The following BICD1 variants were observed in gnomAD, a reference collection of about 807,000 sequenced individuals.
BICD1 encodes BICD cargo adaptor 1.
A neutral mutation model predicts 92.5 loss-of-function variants in BICD1; 35 were observed. The ratio of observed to expected loss-of-function variants is 0.38; its 90% CI spans 0.29 to 0.50. The LOEUF is 0.50. Ranked by LOEUF, BICD1 falls within the 20% of genes least tolerant of loss-of-function variation. The pLI, the probability that BICD1 is intolerant of heterozygous loss-of-function variation, is 0.93. For synonymous variants in BICD1, 429 were observed against 465.1 expected (o/e 0.92, Z 1.00); for missense variants, 950 against 1,189.8 (o/e 0.80, Z 2.97).
intron 2 of BICD1, among the ~76,000 whole-genome samples, chr12:32,260,280 A>G (rs1337876337): frequency 6.6e-6 from 1 of 152,120 alleles, no homozygotes; most frequent in Admixed American, 6.6e-5. Flanking sequence ...AAATTATGAC[A>G]TTTAACAAAG....
intron 1 of BICD1, among the ~76,000 whole-genome samples, chr12:32,209,608 T>G (rs1362535654): frequency 2.0e-5 from 3 of 152,234 alleles, no homozygotes; most frequent in Non-Finnish European, 4.4e-5. Context: ...ACTCAGATCT[T>G]AAAATACTTT....
intron 8 of BICD1, among the ~76,000 whole-genome samples, chr12:32,362,674 A>C (rs948483437): frequency 2.6e-5 from 4 of 152,138 alleles, no homozygotes; most frequent in Admixed American, 2.0e-4. Context: ...CATCCAGAGG[A>C]GTGAATAGAA....
chr12:32,197,389 G>C (rs577313141), intron 1 of BICD1, among the ~76,000 whole-genome samples: 1 of 152,124 alleles, frequency 6.6e-6, no homozygotes, highest in Non-Finnish European at 1.5e-5. Context: ...GCATTGGCAG[G>C]GTTATGAGTT....
chr12:32,199,918 G>A (rs974040861), intron 1 of BICD1, among the ~76,000 whole-genome samples: 1 of 152,086 alleles, frequency 6.6e-6, no homozygotes, highest in Non-Finnish European at 1.5e-5. Context: ...TTAAGGCCCA[G>A]GAAAAGCCTA....
At position 32,107,286 on chromosome 12, in the gene BICD1, A is replaced by G. The variant is rs1420650090; in HGVS notation, c.-46A>G. 4.7e-6 allele frequency: 7 copies of G among 1,499,170 alleles called. No individual in the cohort carries two copies. The highest frequency in any genetic ancestry group is 6.4e-6 in the Non-Finnish European group (7 of 1,101,154). 92.9% of individuals were successfully genotyped at this position (1,499,170 alleles called of 1,614,324 possible). A position where few individuals can be genotyped will look rare whatever the true frequency, so the allele number is the denominator to read the frequency against. On this transcript the variant is annotated 5_prime_UTR_variant, in exon 1 of 10. Coordinates refer to ENST00000652176, the MANE Select transcript of BICD1 (RefSeq NM_001714.4). ...CCCTTTCCCCGCCAGCTTCGCATCC[A>G]TCTCCCCCACCCCGTAACCCCCTCC...
At chr12:32,342,776 C>G (rs375348497) in intron 8 of BICD1, among the ~76,000 whole-genome samples, 1 of 152,260 alleles carries the variant, frequency 6.6e-6, no homozygotes, top group African/African-American at 2.4e-5. Flanking sequence ...ACAAGAGTTA[C>G]TTTCAAATAG....
intron 2 of BICD1, among the ~76,000 whole-genome samples, chr12:32,272,682 T>C (rs2728800): frequency 0.63 from 95,650 of 152,052 alleles, 30,341 homozygotes; most frequent in African/African-American, 0.7. Context: ...AAAAGTTAGC[T>C]GGGCGTGGTG....
At chr12:32,375,527 C>CA (rs1162624109) in intron 9 of BICD1, among the ~76,000 whole-genome samples, 3 of 152,068 alleles carry the variant, frequency 2.0e-5, no homozygotes, top group Non-Finnish European at 2.9e-5. Flanking sequence ...GATTCCATAT[C>CA]AAAAAAATTT....
At chr12:32,116,345 T>C (rs1293907689) in intron 1 of BICD1, among the ~76,000 whole-genome samples, 1 of 152,064 alleles carries the variant, frequency 6.6e-6, no homozygotes, top group Admixed American at 6.6e-5. Flanking sequence ...ATCAACTCTT[T>C]TATGTATTTT....
At chr12:32,374,477 T>A (rs779734049) in intron 9 of BICD1, among the ~76,000 whole-genome samples, 2 of 151,912 alleles carry the variant, frequency 1.3e-5, no homozygotes, top group South Asian at 4.2e-4. Context: ...TATAACCTGC[T>A]GTTTACCAGG....
chr12:32,182,909 T>TTTTA (rs1565571045), intron 1 of BICD1, among the ~76,000 whole-genome samples: 9 of 130,166 alleles, frequency 6.9e-5, no homozygotes, highest in Non-Finnish European at 1.3e-4. Context: ...TTTTTTTTTT[T>TTTTA]AAAGAGATAG....
intron 2 of BICD1, among the ~76,000 whole-genome samples, chr12:32,229,826 A>G (rs1945818747): frequency 6.6e-6 from 1 of 152,182 alleles, no homozygotes. Context: ...ACATTTGTGA[A>G]TGCTAATGGC....
At chr12:32,129,392 G>T (rs528867629) in intron 1 of BICD1, among the ~76,000 whole-genome samples, 83 of 151,684 alleles carry the variant, frequency 5.5e-4, no homozygotes, top group African/African-American at 1.9e-3. Flanking sequence ...AGGTATGGTG[G>T]CACATGCCTA....
chr12:32,251,074 T>G (rs1389955304), intron 2 of BICD1, among the ~76,000 whole-genome samples: 1 of 152,224 alleles, frequency 6.6e-6, no homozygotes, highest in Non-Finnish European at 1.5e-5. Flanking sequence ...AATTTTCTCC[T>G]TTTGGAATTT....
At chr12:32,235,662 C>T (rs1226385616) in intron 2 of BICD1, among the ~76,000 whole-genome samples, 4 of 151,052 alleles carry the variant, frequency 2.6e-5, no homozygotes, top group African/African-American at 4.9e-5. Context: ...GACTGTGTCA[C>T]ATTTTGGTAA....
intron 1 of BICD1, among the ~76,000 whole-genome samples, chr12:32,122,495 A>G (rs2121238190): frequency 6.6e-6 from 1 of 152,004 alleles, no homozygotes; most frequent in Non-Finnish European, 1.5e-5. Context: ...TTTCAAAAAA[A>G]AAAAAAAACA....
At chr12:32,282,105 T>A (rs551436270) in intron 2 of BICD1, among the ~76,000 whole-genome samples, 7 of 151,378 alleles carry the variant, frequency 4.6e-5, no homozygotes, top group South Asian at 2.1e-4. Context: ...AGGTTGAGGA[T>A]CCTAGTGAAA....
intron 1 of BICD1, among the ~76,000 whole-genome samples, chr12:32,201,687 A>G (rs996786172): frequency 6.6e-6 from 1 of 152,146 alleles, no homozygotes; most frequent in Non-Finnish European, 1.5e-5. Flanking sequence ...AGACCCAGAA[A>G]AAAAGTTTAA....
chr12:32,277,637 A>T (rs2136161079), intron 2 of BICD1, among the ~76,000 whole-genome samples: 1 of 152,360 alleles, frequency 6.6e-6, no homozygotes, highest in African/African-American at 2.4e-5. Flanking sequence ...CTGGATCAGA[A>T]TGATCTCTGC....
Sources: allele counts gnomAD v4.1 joint callset (sites outside exome capture counted in the v4.1 genomes callset), GRCh38; gene constraint gnomAD v4.1.1; transcripts MANE v1.5; gene names NCBI Gene and HGNC (gene_info 2026-07-23, HGNC 2026-07-21).